Variants in CALN1 observed in about 807,000 individuals in gnomAD.
CALN1 encodes calneuron 1, also known as calcium-binding protein 8.
A neutral mutation model predicts 30.6 loss-of-function variants in CALN1; 17 were observed. That is an observed-to-expected ratio of 0.56 (90% CI 0.38 to 0.83). The LOEUF (loss-of-function observed/expected upper bound fraction) is 0.83. Among genes scored for constraint, CALN1 ranks in the 40% least tolerant of loss-of-function variants. CALN1 has a pLI of 0.00. For synonymous variants in CALN1, 156 were observed against 131.4 expected (o/e 1.19, Z -1.28); for missense variants, 291 against 354.9 (o/e 0.82, Z 1.45).
At chr7:72,321,113 C>T (rs1800846722) in intron 2 of CALN1, among the ~76,000 whole-genome samples, 1 of 152,204 alleles carries the variant, frequency 6.6e-6, no homozygotes. Flanking sequence ...CAGCTGCCCC[C>T]TAAGACTTCA....
intron 3 of CALN1, among the ~76,000 whole-genome samples, chr7:72,244,347 C>A (rs1160625445): frequency 6.6e-6 from 1 of 152,104 alleles, no homozygotes; most frequent in Non-Finnish European, 1.5e-5. Context: ...TATTTCAATG[C>A]AAAGCTATTC....
chr7:72,161,184 A>T (rs1216571140), intron 3 of CALN1, among the ~76,000 whole-genome samples: 1 of 152,190 alleles, frequency 6.6e-6, no homozygotes, highest in East Asian at 1.9e-4. Context: ...AGGATGACAT[A>T]AGGAGGATTC....
At chr7:72,099,129 G>A (rs1806460620) in intron 4 of CALN1, among the ~76,000 whole-genome samples, 1 of 152,156 alleles carries the variant, frequency 6.6e-6, no homozygotes, top group African/African-American at 2.4e-5. Flanking sequence ...AGACTGGTGT[G>A]TGGGCCAGAC....
the CALN1 span, among the ~76,000 whole-genome samples, chr7:72,469,769 TC>T: frequency 6.6e-6 from 1 of 152,232 alleles, no homozygotes; most frequent in South Asian, 2.1e-4. Flanking sequence ...CCACACTGTT[TC>T]GATTAGTATA....
At chr7:71,831,542 T>A (rs1789275527) in intron 5 of CALN1, among the ~76,000 whole-genome samples, 1 of 152,024 alleles carries the variant, frequency 6.6e-6, no homozygotes, top group Non-Finnish European at 1.5e-5. Context: ...ATAACCATAA[T>A]AATGAAAATC....
At chr7:71,878,982 G>A (rs966684971) in intron 5 of CALN1, among the ~76,000 whole-genome samples, 2 of 152,188 alleles carry the variant, frequency 1.3e-5, no homozygotes, top group African/African-American at 4.8e-5. Flanking sequence ...AATGGAACTT[G>A]CAGTTTTGAC....
intron 4 of CALN1, among the ~76,000 whole-genome samples, chr7:72,037,894 T>C (rs1040738061): frequency 1.8e-4 from 28 of 152,326 alleles, no homozygotes; most frequent in Admixed American, 7.8e-4. Flanking sequence ...GGCAATTGCT[T>C]TTGAATGTCC....
Position 72,139,775 on chromosome 7 carries a change from G to T in CALN1, c.245-33481C>A, listed in dbSNP as rs149504309. On this transcript the variant is annotated intron_variant, in intron 3 of 6. Coordinates refer to ENST00000395275, the MANE Select transcript of CALN1 (RefSeq NM_031468.4). ...CTGCCCCTCCTTAACCCACCCTACA[G>T]AGCTGATGGCTGTATTTGGAGCAGG... Among the ~76,000 whole-genome samples, 208 of 152,302 alleles carry T rather than the reference G, an allele frequency of 1.4e-3. 1 individual carries two copies. Among genetic ancestry groups the T allele is most frequent in the South Asian group, 3.5e-3 (17 of 4,812 alleles).
intron 5 of CALN1, among the ~76,000 whole-genome samples, chr7:71,861,682 G>T (rs1791287006): frequency 6.6e-6 from 1 of 150,930 alleles, no homozygotes; most frequent in African/African-American, 2.4e-5. Flanking sequence ...GGGAGGCTGA[G>T]GTGGGAGGAT....
At chr7:72,182,065 C>T (rs532442755) in intron 3 of CALN1, among the ~76,000 whole-genome samples, 12 of 152,202 alleles carry the variant, frequency 7.9e-5, no homozygotes, top group African/African-American at 2.9e-4. Context: ...TTATAGCTTG[C>T]CTTAGAGAAG....
chr7:72,024,742 AG>A (rs1329613501), intron 4 of CALN1, among the ~76,000 whole-genome samples: 2 of 151,912 alleles, frequency 1.3e-5, no homozygotes, highest in Admixed American at 6.6e-5. Flanking sequence ...ACCTCAGCAT[AG>A]TGTTCAAGCC....
Position 72,422,880 on chromosome 7 carries a change from G to A in CALN1, c.-225-10605C>T, listed in dbSNP as rs149597757. Among the ~76,000 whole-genome samples, 613 of 152,256 alleles carry A rather than the reference G, an allele frequency of 4.0e-3. 1 individual carries two copies. Among genetic ancestry groups the A allele is most frequent in the Non-Finnish European group, 7.2e-3 (493 of 68,030 alleles). On this transcript the variant is annotated intron_variant, in intron 1 of 6. Coordinates refer to the CALN1 transcript ENST00000395276. ...GCATCGGCTCACGCCTGTAATCCCA[G>A]CACTTTGGGAGGCTGAGGCAGGCAG...
At chr7:72,056,653 C>T (rs1563017810) in intron 4 of CALN1, among the ~76,000 whole-genome samples, 1 of 152,100 alleles carries the variant, frequency 6.6e-6, no homozygotes, top group African/African-American at 2.4e-5. Flanking sequence ...CTAACATACT[C>T]TGCATGTTAA....
At chr7:72,000,724 AAAACAAAC>A (rs143379681) in intron 5 of CALN1, among the ~76,000 whole-genome samples, 1 of 152,108 alleles carries the variant, frequency 6.6e-6, no homozygotes, top group African/African-American at 2.4e-5. Context: ...CAGACAGCAC[AAAACAAAC>A]AAACAAACAA....
intron 4 of CALN1, among the ~76,000 whole-genome samples, chr7:72,032,812 C>T (rs749899413): frequency 7.9e-5 from 12 of 152,146 alleles, no homozygotes; most frequent in African/African-American, 2.9e-4. Context: ...GAACCCTGCA[C>T]ACGTCTGAAG....
At chr7:72,013,435 A>T (rs1800205366) in intron 5 of CALN1, among the ~76,000 whole-genome samples, 1 of 151,588 alleles carries the variant, frequency 6.6e-6, no homozygotes. Context: ...TATTTTTGGT[A>T]GAGACAGAGT....
chr7:72,382,046 T>A (rs1363766183), intron 2 of CALN1, among the ~76,000 whole-genome samples: 1 of 152,154 alleles, frequency 6.6e-6, no homozygotes, highest in Non-Finnish European at 1.5e-5. Context: ...TTAACATTTT[T>A]GAAATTTATG....
intron 3 of CALN1, among the ~76,000 whole-genome samples, chr7:72,265,667 T>C (rs1473001832): frequency 1.3e-5 from 2 of 152,112 alleles, no homozygotes; most frequent in African/African-American, 4.8e-5. Flanking sequence ...AACACGTGGT[T>C]ACTCCTGTTC....
At chr7:71,870,960 A>C (rs1791888219) in intron 5 of CALN1, among the ~76,000 whole-genome samples, 1 of 152,152 alleles carries the variant, frequency 6.6e-6, no homozygotes, top group African/African-American at 2.4e-5. Flanking sequence ...CGTGTTTTCT[A>C]CATATTCAGT....
Sources: gnomAD v4.1 joint callset for allele counts (sites outside exome capture counted in the v4.1 genomes callset) on GRCh38, gnomAD v4.1.1 for gene constraint, MANE v1.5 for transcripts, NCBI Gene and HGNC (gene_info 2026-07-23, HGNC 2026-07-21) for gene names.